Variants in LTBP1 observed in about 807,000 individuals in gnomAD.
LTBP1 encodes the protein latent-transforming growth factor beta-binding protein 1.
A neutral mutation model predicts 207.6 loss-of-function variants in LTBP1; 129 were observed. The observed-to-expected ratio is 0.62, with a 90% CI of 0.54 to 0.72. LTBP1 has a LOEUF of 0.72. Among genes scored for constraint, LTBP1 ranks in the 30% least tolerant of loss-of-function variants. The pLI is 0.00. For missense variants in LTBP1, 2,281 were observed against 2,217.2 expected, an observed-to-expected ratio of 1.03 and a Z score of -0.58; for synonymous variants, 963 against 833.7, an observed-to-expected ratio of 1.16 and a Z score of -2.67.
At chr2:33,232,687 C>G (rs568391085) in intron 9 of LTBP1, among the ~76,000 whole-genome samples, 155 of 152,216 alleles carry the variant, frequency 1.0e-3, no homozygotes, top group African/African-American at 3.5e-3. Flanking sequence ...GTAAGTACAT[C>G]TCAAATTATT....
In LTBP1 at chr2:33,293,145, G is replaced by A. The variant is rs186381337; in HGVS notation, c.3113-15G>A. On this transcript the variant is annotated splice_polypyrimidine_tract_variant and intron_variant, in intron 19 of 33. Transcript: ENST00000404816. ...CTTCTTTTTTTGTTCTTTCCATTAC[G>A]CAACATTCTTCAAGATGTGGACGAG... is the stretch of plus-strand genomic sequence containing the variant. The A allele has an allele frequency of 4.1e-4, 651 of 1,604,058 alleles. 3 individuals carry two copies. In the African/African-American group the frequency reaches 7.5e-3, roughly 18 times the overall value.
intron 5 of LTBP1, among the ~76,000 whole-genome samples, chr2:33,183,077 C>G (rs568129480): frequency 3.9e-5 from 6 of 152,012 alleles, no homozygotes; most frequent in African/African-American, 9.7e-5. Context: ...TATTTCTTTT[C>G]TTTTGTGTAC....
chr2:33,081,871 C>T (rs921699575), intron 3 of LTBP1, among the ~76,000 whole-genome samples: 27 of 152,200 alleles, frequency 1.8e-4, no homozygotes, highest in African/African-American at 6.0e-4. Flanking sequence ...GTGCTCGGTA[C>T]TTCTCTTCCT....
At chr2:33,263,676 G>A (rs1016914149) in intron 15 of LTBP1, among the ~76,000 whole-genome samples, 3 of 152,196 alleles carry the variant, frequency 2.0e-5, no homozygotes, top group African/African-American at 7.2e-5. Context: ...AATACAGGCT[G>A]GGTGCGGTGG....
intron 2 of LTBP1, among the ~76,000 whole-genome samples, chr2:33,020,589 A>G (rs2075117894): frequency 1.3e-5 from 2 of 152,176 alleles, no homozygotes; most frequent in African/African-American, 2.4e-5. Flanking sequence ...AGTAATAATT[A>G]TATAATGTTT....
At chr2:33,006,540 C>T (rs549140645) in intron 2 of LTBP1, among the ~76,000 whole-genome samples, 3 of 151,722 alleles carry the variant, frequency 2.0e-5, no homozygotes, top group African/African-American at 7.2e-5. Context: ...CTAGCCACCA[C>T]ACCCGGCTAA....
intron 5 of LTBP1, among the ~76,000 whole-genome samples, chr2:33,149,922 G>C (rs2083375825): frequency 6.6e-6 from 1 of 152,110 alleles, no homozygotes. Flanking sequence ...CCTTGGGAGG[G>C]TATGGGTTTG....
At chr2:33,273,878 G>T (rs2093370494) in intron 16 of LTBP1, 97 bp downstream of exon 16, 3 of 1,129,702 alleles carry the variant, frequency 2.7e-6, no homozygotes, top group Admixed American at 6.8e-5. Flanking sequence ...TTGGGAAAGT[G>T]TTACTGGTTT....
intron 31 of LTBP1, among the ~76,000 whole-genome samples, chr2:33,368,615 G>A (rs143291880): frequency 0.016 from 2,392 of 152,334 alleles, 39 homozygotes; most frequent in Non-Finnish European, 0.022. Context: ...CATGGCTTAC[G>A]CCTGTAGTCC....
intron 7 of LTBP1, among the ~76,000 whole-genome samples, chr2:33,199,559 T>A (rs558027531): frequency 6.6e-6 from 1 of 152,270 alleles, no homozygotes; most frequent in African/African-American, 2.4e-5. Flanking sequence ...CTTTGAAAAC[T>A]GGCACAAGAC....
intron 9 of LTBP1, among the ~76,000 whole-genome samples, chr2:33,224,679 G>T (rs1379240609): frequency 2.6e-5 from 4 of 152,104 alleles, no homozygotes; most frequent in Admixed American, 6.6e-5. Flanking sequence ...CTTAGAAAGT[G>T]TCATTTTATC....
chr2:33,182,466 T>A (rs1041859580), intron 5 of LTBP1, among the ~76,000 whole-genome samples: 1 of 151,444 alleles, frequency 6.6e-6, no homozygotes, highest in Non-Finnish European at 1.5e-5. Flanking sequence ...ATCGAAACCA[T>A]CCTGGCTAAC....
chr2:32,965,458 A>G (rs900248277), intron 2 of LTBP1, among the ~76,000 whole-genome samples: 26 of 152,172 alleles, frequency 1.7e-4, no homozygotes, highest in Non-Finnish European at 1.5e-5. Flanking sequence ...TGCCCTAAAA[A>G]TCCTCTGTGC....
chr2:32,971,996 A>G (rs1171195224), intron 2 of LTBP1, among the ~76,000 whole-genome samples: 3 of 152,106 alleles, frequency 2.0e-5, no homozygotes, highest in South Asian at 2.1e-4. Flanking sequence ...TGGTCTGTTC[A>G]GGGTTCCAGT....
intron 22 of LTBP1, among the ~76,000 whole-genome samples, chr2:33,305,523 T>C (rs1454604847): frequency 1.3e-5 from 2 of 152,156 alleles, no homozygotes; most frequent in Non-Finnish European, 2.9e-5. Flanking sequence ...GAATAGCAGA[T>C]GCGGATGCCC....
chr2:33,298,993 C>T (rs976199362), intron 20 of LTBP1, among the ~76,000 whole-genome samples: 1 of 152,018 alleles, frequency 6.6e-6, no homozygotes, highest in South Asian at 2.1e-4. Flanking sequence ...TGAAACTTTG[C>T]GGCTAGGTGT....
chr2:33,355,405 G>A (rs1000176649), intron 26 of LTBP1, among the ~76,000 whole-genome samples: 1 of 151,946 alleles, frequency 6.6e-6, no homozygotes, highest in Non-Finnish European at 1.5e-5. Flanking sequence ...ACATCCTCCT[G>A]TATACATTGA....
Position 33,383,484 on chromosome 2 carries a change from T to A in LTBP1, c.4712-5700T>A, listed in dbSNP as rs373328544. Among the ~76,000 whole-genome samples the A allele has an allele frequency of 1.7e-3, 260 of 152,362 alleles. 2 individuals are homozygous for A. The highest frequency in any genetic ancestry group is 5.9e-3 in the African/African-American group (245 of 41,594). On this transcript the variant is annotated intron_variant, in intron 31 of 33. Transcript: ENST00000404816. Reference sequence around the variant, plus strand: ...AAACACCATTGTCGTTAATCCATGTTTAAACCTGTAAGAAAAATACCTGGT... The same window carrying A: ...AAACACCATTGTCGTTAATCCATGTATAAACCTGTAAGAAAAATACCTGGT...
chr2:32,959,621 A>ATATATATATATTTTTTTT (rs1475834284), intron 2 of LTBP1, among the ~76,000 whole-genome samples: 1 of 36,662 alleles, frequency 2.7e-5, no homozygotes, highest in Non-Finnish European at 5.0e-5. Context: ...ATATATATAT[A>ATATATATATATTTTTTTT]TTTTTTTTTT....
Sources: allele counts gnomAD v4.1 joint callset (sites outside exome capture counted in the v4.1 genomes callset), GRCh38; gene constraint gnomAD v4.1.1; transcripts MANE v1.5; gene names NCBI Gene and HGNC (gene_info 2026-07-23, HGNC 2026-07-21).